DPYD: variants seen among roughly 807,000 people sequenced by gnomAD.
DPYD encodes the protein dihydropyrimidine dehydrogenase [NADP(+)].
A neutral mutation model predicts 116.2 loss-of-function variants in DPYD; 109 were observed. The ratio of observed to expected loss-of-function variants is 0.94; its 90% CI spans 0.80 to 1.10. The LOEUF is 1.10. DPYD is among the 50% of genes least tolerant of loss of function. The pLI is 0.00. For missense variants in DPYD, 1,302 were observed against 1,254.5 expected (o/e 1.04, Z -0.57); for synonymous variants, 440 against 432.0 (o/e 1.02, Z -0.23).
At chr1:97,087,341 G>A (rs958347594) in intron 21 of DPYD, among the ~76,000 whole-genome samples, 1 of 152,204 alleles carries the variant, frequency 6.6e-6, no homozygotes, top group African/African-American at 2.4e-5. Flanking sequence ...CAGGAGTACT[G>A]TACAGTAAGA....
At chr1:97,257,150 A>C (rs1190340763) in intron 18 of DPYD, among the ~76,000 whole-genome samples, 2 of 152,062 alleles carry the variant, frequency 1.3e-5, no homozygotes, top group East Asian at 3.9e-4. Flanking sequence ...GAAGAAAACT[A>C]AATTATTATA....
At chr1:97,465,657 C>T (rs1256673293) in intron 13 of DPYD, among the ~76,000 whole-genome samples, 2 of 152,172 alleles carry the variant, frequency 1.3e-5, no homozygotes, top group Non-Finnish European at 1.5e-5. Context: ...CTCCTCCTTG[C>T]CTTCTGCTAT....
At chr1:97,240,161 C>T (rs1244186231) in intron 18 of DPYD, among the ~76,000 whole-genome samples, 1 of 151,686 alleles carries the variant, frequency 6.6e-6, no homozygotes, top group Admixed American at 6.6e-5. Context: ...TGTCATTTAG[C>T]AGTGTCATAA....
At position 97,134,007 on chromosome 1, in the gene DPYD, AAAAAAAAATATATATATATATATAT is replaced by A. The variant is rs1323598165; in HGVS notation, c.2623-35400_2623-35376del. Among the ~76,000 whole-genome samples, 40 of 44,182 alleles carry A rather than the reference AAAAAAAAATATATATATATATATAT, an allele frequency of 9.1e-4. 3 individuals are homozygous for A. Among genetic ancestry groups the A allele is most frequent in the South Asian group, 6.9e-3 (8 of 1,162 alleles). 29.0% of individuals were successfully genotyped at this position (44,182 alleles called of 152,430 possible). On this transcript the variant is annotated intron_variant, in intron 20 of 22. Transcript: ENST00000370192. ...GAGCCAGACTCTGTTTCAAAAAAAA[AAAAAAAAATATATATATATATATAT>A]ATATATATATATATATATATATATA...
Position 97,455,588 on chromosome 1 carries a change from G to A in DPYD, c.1741-5365C>T, listed in dbSNP as rs867825060. Among the ~76,000 whole-genome samples, 3 of 151,898 alleles carry A rather than the reference G, an allele frequency of 2.0e-5. No individual in the cohort carries two copies. In the South Asian group the frequency reaches 6.2e-4, roughly 32 times the overall value. The stretch of plus-strand genomic sequence containing the variant: ...GTCTAACAACAAATATCTTGTTACA[G>A]AGTCAGATTCCATCATTATAAATCT... On this transcript the variant is annotated intron_variant, in intron 13 of 22. Coordinates refer to ENST00000370192, the MANE Select transcript of DPYD (RefSeq NM_000110.4).
chr1:97,801,798 A>AT (rs2101337324), intron 3 of DPYD, among the ~76,000 whole-genome samples: 1 of 151,854 alleles, frequency 6.6e-6, no homozygotes, highest in South Asian at 2.1e-4. Flanking sequence ...CCTTATTGAA[A>AT]TTTCAACCAT....
chr1:97,841,662 G>C (rs1241886140), intron 2 of DPYD, among the ~76,000 whole-genome samples: 1 of 151,868 alleles, frequency 6.6e-6, no homozygotes, highest in Non-Finnish European at 1.5e-5. Flanking sequence ...AACCTGACAG[G>C]ATCATAGAAA....
chr1:97,322,061 A>T (rs1448858204), intron 16 of DPYD, among the ~76,000 whole-genome samples: 13 of 98,242 alleles, frequency 1.3e-4, no homozygotes, highest in African/African-American at 4.6e-4. Context: ...AGGAAGGGGA[A>T]TATCACACTC....
At chr1:97,287,685 G>T (rs1665807712) in intron 18 of DPYD, among the ~76,000 whole-genome samples, 1 of 152,136 alleles carries the variant, frequency 6.6e-6, no homozygotes, top group African/African-American at 2.4e-5. Context: ...ATCTCAGACT[G>T]CTGTGCTAGC....
intron 16 of DPYD, among the ~76,000 whole-genome samples, chr1:97,324,151 C>T (rs574729152): frequency 2.0e-5 from 3 of 152,042 alleles, no homozygotes; most frequent in South Asian, 2.1e-4. Context: ...TGAGCCTTTT[C>T]GTTTTTTGCC....
At chr1:97,916,962 C>T (rs1674247755) in intron 1 of DPYD, among the ~76,000 whole-genome samples, 1 of 152,118 alleles carries the variant, frequency 6.6e-6, no homozygotes, top group Non-Finnish European at 1.5e-5. Context: ...GATAATCAGA[C>T]ACATTTCTAC....
chr1:97,531,749 C>A (rs1649641320), intron 12 of DPYD, among the ~76,000 whole-genome samples: 1 of 152,074 alleles, frequency 6.6e-6, no homozygotes, highest in Admixed American at 6.5e-5. Flanking sequence ...TTTTTCCAAT[C>A]CAAGAATATA....
At chr1:97,224,084 A>G (rs1660956659) in intron 19 of DPYD, among the ~76,000 whole-genome samples, 2 of 152,102 alleles carry the variant, frequency 1.3e-5, no homozygotes, top group South Asian at 4.1e-4. Flanking sequence ...GCATATTCTA[A>G]CTAATGAAAT....
intron 4 of DPYD, among the ~76,000 whole-genome samples, chr1:97,736,833 G>GGT (rs1424546048): frequency 2.6e-4 from 37 of 143,472 alleles, no homozygotes; most frequent in African/African-American, 6.9e-4. Flanking sequence ...TAGAGGTGGG[G>GGT]GTGTGTGTGT....
chr1:97,368,758 A>G (rs1353687233), intron 16 of DPYD, among the ~76,000 whole-genome samples: 3 of 152,198 alleles, frequency 2.0e-5, no homozygotes, highest in African/African-American at 4.8e-5. Context: ...TACTGGTCAA[A>G]TTCATGTTTG....
intron 16 of DPYD, among the ~76,000 whole-genome samples, chr1:97,348,661 C>A (rs1464098723): frequency 1.3e-5 from 2 of 152,126 alleles, no homozygotes; most frequent in Non-Finnish European, 2.9e-5. Flanking sequence ...CCTACAATTT[C>A]TGTCCTTTTA....
chr1:97,538,067 CAA>C (rs67281977), intron 12 of DPYD, among the ~76,000 whole-genome samples: 33 of 124,488 alleles, frequency 2.7e-4, no homozygotes, highest in South Asian at 2.7e-4. Context: ...AACTCTGTCT[CAA>C]AAAAAAAAAA....
intron 13 of DPYD, among the ~76,000 whole-genome samples, chr1:97,461,644 C>A (rs781088387): frequency 1.3e-5 from 2 of 152,154 alleles, no homozygotes; most frequent in Non-Finnish European, 2.9e-5. Flanking sequence ...ATAAGATAAG[C>A]AGCTATGCGA....
At chr1:97,359,237 A>G (rs964042666) in intron 16 of DPYD, among the ~76,000 whole-genome samples, 1 of 152,104 alleles carries the variant, frequency 6.6e-6, no homozygotes, top group Non-Finnish European at 1.5e-5. Context: ...AATTAATGAA[A>G]TAAAGCAAGA....
Sources: allele counts gnomAD v4.1 joint callset (sites outside exome capture counted in the v4.1 genomes callset), GRCh38; gene constraint gnomAD v4.1.1; transcripts MANE v1.5; gene names NCBI Gene and HGNC (gene_info 2026-07-23, HGNC 2026-07-21).